PRKCH: variants seen among roughly 807,000 people sequenced by gnomAD.
The protein encoded by PRKCH is protein kinase C eta type.
In PRKCH, 28 loss-of-function variants were observed where a neutral mutation model predicts 82.5. The observed-to-expected ratio is 0.34, with a 90% CI of 0.25 to 0.47. The LOEUF (loss-of-function observed/expected upper bound fraction) is 0.47, where lower values mean the gene tolerates loss of function less well. PRKCH is among the 20% of genes least tolerant of loss of function. PRKCH has a pLI of 1.00. For synonymous variants in PRKCH, 322 were observed against 327.4 expected (o/e 0.98, Z 0.18); for missense variants, 705 against 881.8 (o/e 0.80, Z 2.54).
At chr14:61,239,733 C>G (rs1289349151) in intron 1 of PRKCH, among the ~76,000 whole-genome samples, 3 of 152,142 alleles carry the variant, frequency 2.0e-5, no homozygotes, top group African/African-American at 7.2e-5. Flanking sequence ...CTTTGTTTTG[C>G]CCTTACCACA....
At chr14:61,438,272 C>G (rs995883126) in intron 2 of PRKCH, among the ~76,000 whole-genome samples, 1 of 152,114 alleles carries the variant, frequency 6.6e-6, no homozygotes, top group Non-Finnish European at 1.5e-5. Context: ...GTGTAGCCCC[C>G]TTAAAGATAA....
intron 10 of PRKCH, among the ~76,000 whole-genome samples, chr14:61,514,802 G>C (rs1031800417): frequency 1.3e-5 from 2 of 152,152 alleles, no homozygotes; most frequent in Admixed American, 6.5e-5. Flanking sequence ...TCTCCTCATG[G>C]ATATTGCATT....
chr14:61,381,663 G>A (rs572555592), intron 1 of PRKCH, among the ~76,000 whole-genome samples: 14 of 152,308 alleles, frequency 9.2e-5, no homozygotes, highest in East Asian at 5.8e-4. Context: ...AGCAGCTCCC[G>A]CCTCGGGCCC....
intron 10 of PRKCH, among the ~76,000 whole-genome samples, chr14:61,497,369 G>A (rs1181623557): frequency 6.6e-6 from 1 of 152,174 alleles, no homozygotes. Context: ...GGAGGTGCAT[G>A]TAAAGCCTTT....
Position 61,449,171 on chromosome 14 carries a change from C to A in PRKCH, c.621C>A (p.Thr207=). 1 of 1,613,678 alleles carries A rather than the reference C, an allele frequency of 6.2e-7. No individual in the cohort carries two copies. The highest frequency in any genetic ancestry group is 8.5e-7 in the Non-Finnish European group (1 of 1,179,644). Residue 207 remains threonine, a synonymous_variant, in exon 5 of 14, where the codon ACC becomes ACA. Transcript: ENST00000332981. ...CTGGATTTAATTTCCTAGTGTGCAC[C>A]TGTGTCGTCCATAAACGCTGCCATC... ...GKQGYQCQVC[T]CVVHKRCHHL...
At position 61,310,038 on chromosome 14, in the gene PRKCH, C is replaced by G. The variant is rs535819775; in HGVS notation, c.-19+122370C>G. ...GAATAGCATGGAGGGAACCGCCCCCCCTCCGTGATCCAATCACTTCTCTCC... is the reference window on the plus strand; with the variant it reads ...GAATAGCATGGAGGGAACCGCCCCCGCTCCGTGATCCAATCACTTCTCTCC... On this transcript the variant is annotated intron_variant, in intron 1 of 3. Transcript: ENST00000555185. Among the ~76,000 whole-genome samples, 35 of 152,246 alleles carry G rather than the reference C, an allele frequency of 2.3e-4. No individual in the cohort carries two copies. In the South Asian group the frequency reaches 5.8e-3, roughly 25 times the overall value.
chr14:61,465,874 T>G (rs1376238637), intron 9 of PRKCH, among the ~76,000 whole-genome samples: 1 of 152,252 alleles, frequency 6.6e-6, no homozygotes, highest in Non-Finnish European at 1.5e-5. Flanking sequence ...TATTGTTTAT[T>G]GCACGTGATT....
chr14:61,455,207 T>A (rs1471132178), intron 7 of PRKCH, among the ~76,000 whole-genome samples: 1 of 132,346 alleles, frequency 7.6e-6, no homozygotes, highest in African/African-American at 3.5e-5. Context: ...TTTTTTGTAT[T>A]TTTTTTTTTT....
chr14:61,530,633 C>T lies in PRKCH; in HGVS notation c.1761+38C>T, dbSNP rs768845675. 1.9e-6 allele frequency: 3 copies of T among 1,544,466 alleles called. No homozygotes were observed. The Admixed American group carries it at 5.7e-5, about 29-fold the overall frequency. ...TACCCAGCTAGCTTCTGATGTATTG[C>T]AAACCAGCTTGTTTCATGTGCTGCT... On this transcript the variant is annotated intron_variant, in intron 12 of 13. Transcript: ENST00000332981.
At chr14:61,453,673 A>G (rs577546286) in intron 7 of PRKCH, among the ~76,000 whole-genome samples, 1 of 138,274 alleles carries the variant, frequency 7.2e-6, no homozygotes, top group Non-Finnish European at 1.5e-5. Context: ...TTCCTTTTTG[A>G]GATGGGGTCT....
At chr14:61,514,978 G>A (rs2042801826) in intron 10 of PRKCH, among the ~76,000 whole-genome samples, 1 of 152,186 alleles carries the variant, frequency 6.6e-6, no homozygotes, top group African/African-American at 2.4e-5. Context: ...TTGCTTATTT[G>A]TGAAAATACA....
At chr14:61,318,456 T>G (rs1386795712), upstream of PRKCH, among the ~76,000 whole-genome samples, 1 of 151,124 alleles carries the variant, frequency 6.6e-6, no homozygotes, top group Non-Finnish European at 1.5e-5. Context: ...CCCCCCACCT[T>G]GTCCTCCCAA....
intron 2 of PRKCH, among the ~76,000 whole-genome samples, chr14:61,430,560 C>A (rs1883335271): frequency 6.6e-6 from 1 of 152,162 alleles, no homozygotes; most frequent in South Asian, 2.1e-4. Context: ...TATATCTGAC[C>A]TTGCTGTTAG....
rs138778261 is a variant in PRKCH at position 61,382,932 on chromosome 14, A to G, written c.364-8293A>G. On this transcript the variant is annotated intron_variant, in intron 1 of 13. Coordinates refer to ENST00000332981, the MANE Select transcript of PRKCH (RefSeq NM_006255.5). Reference sequence around the variant, plus strand: ...TCTTGAGTCCTTTGTGTAGGCTTTTATCCAAGCCTGTTTAGAATCATGGAA... The same window carrying G: ...TCTTGAGTCCTTTGTGTAGGCTTTTGTCCAAGCCTGTTTAGAATCATGGAA... Among the ~76,000 whole-genome samples, 688 of 152,346 alleles carry G rather than the reference A, an allele frequency of 4.5e-3. 1 individual carries two copies. The highest frequency in any genetic ancestry group is 7.3e-3 in the Non-Finnish European group (499 of 68,034).
chr14:61,219,094 T>C (rs1434655109), intron 1 of PRKCH, among the ~76,000 whole-genome samples: 1 of 152,200 alleles, frequency 6.6e-6, no homozygotes, highest in African/African-American at 2.4e-5. Flanking sequence ...TGACCCGACA[T>C]TGGACTTCAA....
intron 1 of PRKCH, among the ~76,000 whole-genome samples, chr14:61,211,558 T>C (rs2044581189): frequency 6.6e-6 from 1 of 152,212 alleles, no homozygotes; most frequent in Admixed American, 6.5e-5. Flanking sequence ...GTAGGTACTC[T>C]GTAAATATGC....
At chr14:61,472,024 C>T (rs942822351) in intron 9 of PRKCH, among the ~76,000 whole-genome samples, 1 of 152,152 alleles carries the variant, frequency 6.6e-6, no homozygotes, top group Admixed American at 6.5e-5. Context: ...GTTGGGGGCT[C>T]ATTACAGCTG....
intron 1 of PRKCH, among the ~76,000 whole-genome samples, chr14:61,204,821 A>T (rs2140041230): frequency 6.6e-6 from 1 of 152,052 alleles, no homozygotes; most frequent in South Asian, 2.1e-4. Flanking sequence ...ATCTAGAATT[A>T]TGGAGGTTAC....
Position 61,280,133 on chromosome 14 carries a change from A to G in PRKCH, c.-19+92465A>G. 1 of 1,613,900 alleles carries G rather than the reference A, an allele frequency of 6.2e-7. No individual in the cohort carries two copies. The highest frequency in any genetic ancestry group is 8.5e-7 in the Non-Finnish European group (1 of 1,179,874). ...TCGTCCTGGTCCTGGTAGCGAATGT[A>G]GACGACCAGCATGACAAAGCCGGTG... On this transcript the variant is annotated intron_variant, in intron 1 of 3. Coordinates refer to the PRKCH transcript ENST00000555185. The surrounding 1 kb of genome is among the most constrained non-coding windows in gnomAD (Gnocchi z 5.0).
Sources: allele counts gnomAD v4.1 joint callset (sites outside exome capture counted in the v4.1 genomes callset), GRCh38; gene constraint gnomAD v4.1.1; non-coding constraint Gnocchi (gnomAD v3.1); transcripts MANE v1.5; gene names NCBI Gene and HGNC (gene_info 2026-07-23, HGNC 2026-07-21).